Variants in OPA1 observed in about 807,000 individuals in gnomAD.
The protein encoded by OPA1 is OPA1 mitochondrial dynamin like GTPase.
Under a neutral mutation model 152.9 loss-of-function variants are expected in OPA1, and 59 were observed. The observed-to-expected ratio is 0.39, with a 90% confidence interval of 0.31 to 0.48. The LOEUF (loss-of-function observed/expected upper bound fraction) is 0.48, where lower values mean the gene tolerates loss of function less well. Among genes scored for constraint, OPA1 ranks in the 20% least tolerant of loss-of-function variants. The pLI, the probability that OPA1 is intolerant of heterozygous loss-of-function variation, is 0.96. For missense variants in OPA1, 1,008 were observed against 1,216.8 expected, an observed-to-expected ratio of 0.83 and a Z score of 2.55; for synonymous variants, 400 against 389.9, an observed-to-expected ratio of 1.03 and a Z score of -0.31.
chr3:193,658,846 A>T, intron 23 of OPA1, 41 bp from the exon 24 acceptor site: 1 of 1,327,710 alleles, frequency 7.5e-7, no homozygotes, highest in Non-Finnish European at 1.1e-6. Context: ...AAATGATGAG[A>T]TGTAAAACAA....
chr3:193,634,509 C>T (rs1245839585), intron 8 of OPA1, among the ~76,000 whole-genome samples: 2 of 151,950 alleles, frequency 1.3e-5, no homozygotes, highest in African/African-American at 4.8e-5. Context: ...CCTCCGCCTC[C>T]CGGGTTCAAG....
At chr3:193,689,995 A>G (rs1721444493) in intron 29 of OPA1, among the ~76,000 whole-genome samples, 1 of 151,532 alleles carries the variant, frequency 6.6e-6, no homozygotes, top group Admixed American at 6.6e-5. Context: ...AACTGATGTG[A>G]AACTTTCTTA....
At chr3:193,644,409 C>A (rs1734224390) in intron 16 of OPA1, among the ~76,000 whole-genome samples, 1 of 152,120 alleles carries the variant, frequency 6.6e-6, no homozygotes, top group Non-Finnish European at 1.5e-5. Context: ...GGAGGTTAGT[C>A]ATTTCGGCAC....
chr3:193,648,535 T>C (rs1711592843), intron 20 of OPA1: 2 of 437,508 alleles, frequency 4.6e-6, no homozygotes, highest in Non-Finnish European at 8.3e-6. Flanking sequence ...GTATTGATGC[T>C]TTCACATAAC....
intron 6 of OPA1, among the ~76,000 whole-genome samples, chr3:193,622,749 G>A (rs372350114): frequency 1.3e-5 from 2 of 151,992 alleles, no homozygotes; most frequent in South Asian, 2.1e-4. Flanking sequence ...CTATCTAATC[G>A]GCCATTTCTG....
At chr3:193,630,184 C>T (rs995884894) in intron 7 of OPA1, among the ~76,000 whole-genome samples, 10 of 152,054 alleles carry the variant, frequency 6.6e-5, no homozygotes, top group African/African-American at 1.4e-4. Context: ...ACAGTTTAGG[C>T]GACTGTTTAT....
In OPA1 at chr3:193,697,463, A is replaced by G. The variant is rs1160202911; in HGVS notation, c.*2863A>G. 6.6e-6 allele frequency: 1 copy of G among 152,218 alleles called. No homozygotes were observed. Among genetic ancestry groups the G allele is most frequent in the Middle Eastern group, 3.2e-3 (1 of 316 alleles). 9.4% of individuals were successfully genotyped at this position (152,218 alleles called of 1,614,324 possible). A position where few individuals can be genotyped will look rare whatever the true frequency, so the allele number is the denominator to read the frequency against. On this transcript the variant is annotated 3_prime_UTR_variant, in exon 31 of 31. Transcript: ENST00000361510. ...ACGTGTAGATATTATTGCAACTTAT[A>G]TTTTGCCTGAGCTTGATCAAAGGTC...
intron 29 of OPA1, among the ~76,000 whole-genome samples, chr3:193,684,865 T>C (rs1231769804): frequency 6.6e-6 from 1 of 152,020 alleles, no homozygotes; most frequent in African/African-American, 2.4e-5. Flanking sequence ...AGCCTAAATA[T>C]AAGGCTAATT....
At chr3:193,649,948 G>A (rs1250805764) in intron 21 of OPA1, among the ~76,000 whole-genome samples, 1 of 152,158 alleles carries the variant, frequency 6.6e-6, no homozygotes, top group Non-Finnish European at 1.5e-5. Context: ...TTTACAGATT[G>A]AGTATAATAC....
chr3:193,667,342 T>A (rs2109279049), intron 29 of OPA1, 62 bp downstream of exon 29: 1 of 864,178 alleles, frequency 1.2e-6, no homozygotes, highest in Non-Finnish European at 2.0e-6. Flanking sequence ...TCCATTTGTT[T>A]GTTGATCCAT....
chr3:193,658,739 T>C, intron 23 of OPA1, 148 bp from the exon 24 acceptor site: 1 of 639,704 alleles, frequency 1.6e-6, no homozygotes. Context: ...TAAAAGAAGC[T>C]TATGCATTTT....
At chr3:193,688,041 G>T (rs538137061) in intron 29 of OPA1, among the ~76,000 whole-genome samples, 296 of 152,062 alleles carry the variant, frequency 1.9e-3, no homozygotes, top group Middle Eastern at 3.4e-3. Flanking sequence ...TGTGTATCTT[G>T]CCTCCTGTTC....
At chr3:193,690,903 C>T (rs1206765045) in intron 29 of OPA1, among the ~76,000 whole-genome samples, 4 of 152,016 alleles carry the variant, frequency 2.6e-5, no homozygotes, top group Admixed American at 6.6e-5. Context: ...ATTTATCATG[C>T]TTACTATAAC....
At chr3:193,636,691 T>G (rs1276063726) in intron 9 of OPA1, among the ~76,000 whole-genome samples, 1 of 152,166 alleles carries the variant, frequency 6.6e-6, no homozygotes, top group Non-Finnish European at 1.5e-5. Context: ...CCTGCCCAGT[T>G]GTCAGTGGAT....
At chr3:193,602,369 A>T (rs1167323480) in intron 1 of OPA1, among the ~76,000 whole-genome samples, 1 of 152,208 alleles carries the variant, frequency 6.6e-6, no homozygotes, top group Non-Finnish European at 1.5e-5. Context: ...CGGAAGGCCC[A>T]GTCTCCAAAT....
chr3:193,666,476 C>A (rs1716562945), intron 28 of OPA1, 87 bp downstream of exon 28: 2 of 1,087,964 alleles, frequency 1.8e-6, no homozygotes, highest in Non-Finnish European at 2.8e-6. Flanking sequence ...TGCCAAAATA[C>A]TTCCCAAAAG....
chr3:193,684,201 C>T (rs1237680011), intron 29 of OPA1, among the ~76,000 whole-genome samples: 6 of 152,166 alleles, frequency 3.9e-5, no homozygotes, highest in Non-Finnish European at 7.3e-5. Context: ...TAATGTTTCT[C>T]ATGCGGGCTA....
chr3:193,649,460 A>G (rs1157883490), intron 21 of OPA1, among the ~76,000 whole-genome samples: 1 of 152,228 alleles, frequency 6.6e-6, no homozygotes, highest in Non-Finnish European at 1.5e-5. Context: ...ACGGTAAAAC[A>G]AGCTATGTAT....
chr3:193,671,979 A>G (rs1718028167), intron 29 of OPA1, among the ~76,000 whole-genome samples: 1 of 152,234 alleles, frequency 6.6e-6, no homozygotes, highest in Admixed American at 6.5e-5. Context: ...GTGTTAAAAT[A>G]TGCCCACTGG....
Sources: allele counts gnomAD v4.1 joint callset (sites outside exome capture counted in the v4.1 genomes callset), GRCh38; gene constraint gnomAD v4.1.1; transcripts MANE v1.5; gene names NCBI Gene and HGNC (gene_info 2026-07-23, HGNC 2026-07-21).